WDR59: variants seen among roughly 807,000 people sequenced by gnomAD.
WDR59 encodes the protein GATOR2 complex protein WDR59.
Under a neutral mutation model 131.2 loss-of-function variants are expected in WDR59, and 100 were observed. That is an observed-to-expected ratio of 0.76 (90% confidence interval 0.65 to 0.90). The LOEUF (loss-of-function observed/expected upper bound fraction) is 0.90, where lower values mean the gene tolerates loss of function less well. WDR59 is among the 40% of genes least tolerant of loss of function. The pLI is 0.00. For missense variants in WDR59, 1,203 were observed against 1,262.2 expected, an observed-to-expected ratio of 0.95 and a Z score of 0.71; for synonymous variants, 601 against 466.2, an observed-to-expected ratio of 1.29 and a Z score of -3.72.
chr16:74,977,696 AAAAT>A (rs1251171478), intron 1 of WDR59, among the ~76,000 whole-genome samples: 1 of 152,230 alleles, frequency 6.6e-6, no homozygotes, highest in Non-Finnish European at 1.5e-5. Context: ...TCAAAAAAGA[AAAAT>A]AAATAAATCA....
chr16:74,893,904 T>G (rs1020157021), intron 18 of WDR59, 92 bp from the exon 19 acceptor site: 14 of 1,426,998 alleles, frequency 9.8e-6, no homozygotes, highest in Admixed American at 2.1e-5. Flanking sequence ...CATTGGCAAT[T>G]TGCACTTTTT....
At chr16:74,895,146 G>T (rs1965234551) in intron 18 of WDR59, among the ~76,000 whole-genome samples, 2 of 152,190 alleles carry the variant, frequency 1.3e-5, no homozygotes, top group Non-Finnish European at 2.9e-5. Context: ...CAGGACATGT[G>T]GAGTTAGTTC....
rs1467111324 is a variant in WDR59 at position 74,874,437 on chromosome 16, G to A, written c.2697C>T (p.Gly899=). The change falls in exon 26 of 26, where the codon GGC becomes GGT. Residue 899 remains glycine, a synonymous_variant. Coordinates refer to ENST00000262144, the MANE Select transcript of WDR59 (RefSeq NM_030581.4). The stretch of plus-strand genomic sequence containing the variant: ...CACTCCGGCAGTGGCTGCAGTACAC[G>A]CCGAACTCTGGAAATGGGCAGGGAC... ...PPDPHKGIEF[G]VYCSHCRSEV... 3 of 1,613,790 alleles carry A rather than the reference G, an allele frequency of 1.9e-6. No homozygotes were observed. The highest frequency in any genetic ancestry group is 2.5e-6 in the Non-Finnish European group (3 of 1,179,902).
intron 8 of WDR59, among the ~76,000 whole-genome samples, chr16:74,934,692 A>AAT (rs1322420733): frequency 1.3e-5 from 2 of 152,256 alleles, no homozygotes; most frequent in African/African-American, 4.8e-5. Context: ...TCACGCCTGT[A>AAT]ATCCCAACAC....
intron 17 of WDR59, among the ~76,000 whole-genome samples, chr16:74,906,699 T>C (rs1314667310): frequency 6.6e-6 from 1 of 152,186 alleles, no homozygotes; most frequent in Non-Finnish European, 1.5e-5. Flanking sequence ...GCAATGTGGA[T>C]CAATGTCAAT....
At chr16:74,933,008 C>A (rs1393002407) in intron 8 of WDR59, among the ~76,000 whole-genome samples, 3 of 151,962 alleles carry the variant, frequency 2.0e-5, no homozygotes, top group African/African-American at 4.8e-5. Flanking sequence ...CAAAGCTGGC[C>A]AAATGTTATG....
intron 1 of WDR59, among the ~76,000 whole-genome samples, chr16:74,971,623 G>T (rs59305313): frequency 6.6e-6 from 1 of 151,290 alleles, no homozygotes; most frequent in Non-Finnish European, 1.5e-5. Flanking sequence ...AATAGAGATG[G>T]GGTTTCACCA....
chr16:74,935,010 C>A lies in WDR59; in HGVS notation c.651+3140G>T, dbSNP rs541122097. ...TTGGGAGGCCGAGACAGGGAGAATGCTTGAGGTCAGGAGTTTGAAACCAGC... is the reference window on the plus strand; with the variant it reads ...TTGGGAGGCCGAGACAGGGAGAATGATTGAGGTCAGGAGTTTGAAACCAGC... On this transcript the variant is annotated intron_variant, in intron 8 of 25. Coordinates refer to ENST00000262144, the MANE Select transcript of WDR59 (RefSeq NM_030581.4). Among the ~76,000 whole-genome samples, 370 of 152,176 alleles carry A rather than the reference C, an allele frequency of 2.4e-3. 2 individuals are homozygous for A. Among genetic ancestry groups the A allele is most frequent in the African/African-American group, 8.3e-3 (343 of 41,528 alleles).
Position 74,916,137 on chromosome 16 carries a change from C to T in WDR59, c.1089G>A (p.Gly363=), listed in dbSNP as rs564991256. The change falls in exon 12 of 26, where the codon GGG becomes GGA. Residue 363 remains glycine (G), a synonymous_variant. Transcript: ENST00000262144. ...DTDHQHTASH[G]EEEALKEDPP... is the part of the protein sequence containing the mutation. Reference sequence around the variant, plus strand: ...AGTTTGACAAATTACCTTCTTCCTCCCCATGGCTTGCAGTGTGCTGGTGAT... The same window carrying T: ...AGTTTGACAAATTACCTTCTTCCTCTCCATGGCTTGCAGTGTGCTGGTGAT... 28 of 1,614,174 alleles carry T rather than the reference C, an allele frequency of 1.7e-5. No homozygotes were observed. The South Asian group carries it at 2.7e-4, about 16-fold the overall frequency.
At chr16:74,943,554 T>C (rs943329061) in intron 6 of WDR59, among the ~76,000 whole-genome samples, 2 of 152,168 alleles carry the variant, frequency 1.3e-5, no homozygotes, top group Non-Finnish European at 2.9e-5. Flanking sequence ...AGCTGAGACA[T>C]GGAAAACTGG....
In WDR59 at chr16:74,946,294, A is replaced by G. The variant is rs147604486; in HGVS notation, c.445+2225T>C. 2.2e-3 allele frequency among the ~76,000 whole-genome samples: 336 copies of G among 152,324 alleles called. 1 individual carries two copies. The highest frequency in any genetic ancestry group is 7.7e-3 in the African/African-American group (320 of 41,574). ...TATTATCTGTGGTTTCAGGCATCCAATGGGGGTCTTGGACTGTGTCCCCTG... is the reference window on the plus strand; with the variant it reads ...TATTATCTGTGGTTTCAGGCATCCAGTGGGGGTCTTGGACTGTGTCCCCTG... On this transcript the variant is annotated intron_variant, in intron 6 of 25. Transcript: ENST00000262144.
chr16:74,894,785 C>G (rs1965212143), intron 18 of WDR59, among the ~76,000 whole-genome samples: 1 of 152,172 alleles, frequency 6.6e-6, no homozygotes, highest in South Asian at 2.1e-4. Context: ...TGAATTTAGT[C>G]TAAGGCATGT....
chr16:74,919,211 A>G (rs892023289), intron 10 of WDR59, among the ~76,000 whole-genome samples: 6 of 152,108 alleles, frequency 3.9e-5, no homozygotes, highest in African/African-American at 1.4e-4. Context: ...CAACTGGCTG[A>G]TTCTACGCCT....
intron 1 of WDR59, among the ~76,000 whole-genome samples, chr16:74,979,383 A>G (rs547989612): frequency 3.0e-4 from 45 of 151,512 alleles, no homozygotes; most frequent in African/African-American, 6.3e-4. Context: ...GGAGAATGGC[A>G]TGAACCCGGG....
At chr16:74,874,788 G>A (rs1307736833) in intron 25 of WDR59, among the ~76,000 whole-genome samples, 6 of 152,002 alleles carry the variant, frequency 3.9e-5, no homozygotes, top group Admixed American at 2.6e-4. Flanking sequence ...ACGGGGTTTC[G>A]CCATGTTGGC....
intron 18 of WDR59, chr16:74,899,810 A>C: frequency 8.4e-7 from 1 of 1,186,770 alleles, no homozygotes; most frequent in Non-Finnish European, 1.1e-6. Context: ...AAGAAAATTA[A>C]AAGGGAAAAA....
chr16:74,871,602 A>T lies in WDR59; in HGVS notation c.*2607T>A, dbSNP rs1436899582. On this transcript the variant is annotated 3_prime_UTR_variant, in exon 26 of 26. Coordinates refer to ENST00000262144, the MANE Select transcript of WDR59 (RefSeq NM_030581.4). ...AAAGTCAATGTTCCTCCAACAATAA[A>T]ACAAGAAAAACATCTCATTCTTGAT... 1 of 152,226 alleles carries T rather than the reference A, an allele frequency of 6.6e-6. No individual in the cohort carries two copies. Among genetic ancestry groups the T allele is most frequent in the East Asian group, 1.9e-4 (1 of 5,206 alleles). 9.4% of individuals were successfully genotyped at this position (152,226 alleles called of 1,614,324 possible).
intron 10 of WDR59, 93 bp downstream of exon 10, chr16:74,921,854 A>G: frequency 6.8e-7 from 1 of 1,461,054 alleles, no homozygotes; most frequent in Non-Finnish European, 9.2e-7. Flanking sequence ...AGCTCTCTCT[A>G]TGTCTTCTTT....
At chr16:74,974,390 A>T (rs1597819726) in intron 1 of WDR59, among the ~76,000 whole-genome samples, 1 of 152,160 alleles carries the variant, frequency 6.6e-6, no homozygotes, top group Non-Finnish European at 1.5e-5. Context: ...ATTTAATAAT[A>T]ATGGTAATCA....
Sources: gnomAD v4.1 joint callset for allele counts (sites outside exome capture counted in the v4.1 genomes callset) on GRCh38, gnomAD v4.1.1 for gene constraint, MANE v1.5 for transcripts, NCBI Gene and HGNC (gene_info 2026-07-23, HGNC 2026-07-21) for gene names.